Variants in PRSS23 observed in about 807,000 individuals in gnomAD.
PRSS23 encodes the protein serine protease 23.
In PRSS23, 25 loss-of-function variants were observed where a neutral mutation model predicts 34.7. That is an observed-to-expected ratio of 0.72 (90% CI 0.53 to 1.01). The LOEUF (loss-of-function observed/expected upper bound fraction) is 1.01. PRSS23 is among the 50% of genes least tolerant of loss of function. PRSS23 has a pLI of 0.00. For missense variants in PRSS23, 445 were observed against 475.6 expected, an observed-to-expected ratio of 0.94 and a Z score of 0.60; for synonymous variants, 176 against 186.6, an observed-to-expected ratio of 0.94 and a Z score of 0.46.
chr11:86,925,295 AGTGTGTGTGTGTGTGTGT>A (rs5793226), intron 2 of PRSS23, among the ~76,000 whole-genome samples: 16 of 148,992 alleles, frequency 1.1e-4, no homozygotes, highest in Non-Finnish European at 1.0e-4. Context: ...GTTTAACTGG[AGTGTGTGTGTGTGTGTGT>A]GTGTGTGTGT....
intron 2 of PRSS23, among the ~76,000 whole-genome samples, chr11:86,835,668 T>A (rs1448275849): frequency 6.6e-6 from 1 of 152,184 alleles, no homozygotes; most frequent in African/African-American, 2.4e-5. Flanking sequence ...TAGGATGAGA[T>A]TAAGCCAGTA....
intron 2 of PRSS23, among the ~76,000 whole-genome samples, chr11:86,884,265 A>G (rs187123227): frequency 3.3e-5 from 5 of 152,032 alleles, no homozygotes; most frequent in African/African-American, 9.7e-5. Flanking sequence ...CACCCCCCAC[A>G]TTGCCAACAA....
chr11:86,853,820 T>G (rs531098311), intron 2 of PRSS23, among the ~76,000 whole-genome samples: 3 of 152,204 alleles, frequency 2.0e-5, no homozygotes, highest in Non-Finnish European at 2.9e-5. Context: ...TTTTCCCTGT[T>G]CCTGCACAAT....
chr11:86,922,478 AT>A (rs1470093490), intron 2 of PRSS23, among the ~76,000 whole-genome samples: 13 of 136,058 alleles, frequency 9.6e-5, no homozygotes, highest in African/African-American at 3.1e-4. Context: ...TCTAAAAAAA[AT>A]AAACAAATAA....
At chr11:86,847,652 A>T (rs1340862100) in intron 2 of PRSS23, among the ~76,000 whole-genome samples, 1 of 152,138 alleles carries the variant, frequency 6.6e-6, no homozygotes, top group East Asian at 1.9e-4. Context: ...TATCCTGAAT[A>T]ACTGGGACAA....
intron 2 of PRSS23, among the ~76,000 whole-genome samples, chr11:86,831,319 C>G (rs980222938): frequency 5.3e-5 from 8 of 151,614 alleles, no homozygotes; most frequent in Non-Finnish European, 1.2e-4. Flanking sequence ...GGGTTTACAC[C>G]TTTTTGTATT....
At chr11:86,857,483 G>C (rs1264906752) in intron 2 of PRSS23, 2 of 407,292 alleles carry the variant, frequency 4.9e-6, no homozygotes, top group Non-Finnish European at 9.6e-6. Flanking sequence ...AAAAATTATA[G>C]ATTTCCACAT....
At chr11:86,854,230 G>A (rs1948552572) in intron 2 of PRSS23, among the ~76,000 whole-genome samples, 1 of 152,116 alleles carries the variant, frequency 6.6e-6, no homozygotes, top group Non-Finnish European at 1.5e-5. Flanking sequence ...TTGATCACCT[G>A]ACCTCGTGAT....
chr11:86,793,448 A>T (rs1348793946), intron 1 of PRSS23, among the ~76,000 whole-genome samples: 1 of 152,234 alleles, frequency 6.6e-6, no homozygotes, highest in Non-Finnish European at 1.5e-5. Context: ...GTCAAATGTC[A>T]TAAATCATGG....
chr11:86,835,580 C>T (rs1948398632), intron 2 of PRSS23, among the ~76,000 whole-genome samples: 1 of 152,150 alleles, frequency 6.6e-6, no homozygotes, highest in South Asian at 2.1e-4. Context: ...AATGGTCTGG[C>T]TATTTCGTCT....
chr11:86,854,381 T>C (rs1437754975), intron 2 of PRSS23, among the ~76,000 whole-genome samples: 1 of 152,222 alleles, frequency 6.6e-6, no homozygotes, highest in Non-Finnish European at 1.5e-5. Context: ...GTTGTTTACT[T>C]CTAGCTGTTC....
At position 86,808,411 on chromosome 11, in the gene PRSS23, CAA is replaced by C; in HGVS notation, c.769_770del (p.Lys257GlufsTer13). 1 of 1,614,206 alleles carries C rather than the reference CAA, an allele frequency of 6.2e-7. No individual in the cohort carries two copies. The highest frequency in any genetic ancestry group is 2.2e-5 in the East Asian group (1 of 44,884). On this transcript the variant is annotated frameshift_variant, in exon 2 of 2. Transcript: ENST00000280258. LOFTEE classifies it high-confidence loss of function. Reference sequence around the variant, plus strand: ...CCCTCCTGGAACTCAAAAAGCCCCACAAGAGAAAATTTATGAAGATTGGGGTG... The same window carrying C: ...CCCTCCTGGAACTCAAAAAGCCCCACGAGAAAATTTATGAAGATTGGGGTG... ...YALLELKKPHKRKFMKIGVSP... is the reference protein window; with the variant it reads ...YALLELKKPHXRKFMKIGVSP...
chr11:86,793,204 T>G (rs557284398), intron 1 of PRSS23, among the ~76,000 whole-genome samples: 1 of 152,354 alleles, frequency 6.6e-6, no homozygotes, highest in East Asian at 1.9e-4. Flanking sequence ...CTTAACTAGA[T>G]TTCTTTATGC....
intron 1 of PRSS23, chr11:86,821,012 C>T (rs758978072): frequency 2.4e-4 from 43 of 179,846 alleles, no homozygotes; most frequent in Non-Finnish European, 3.9e-4. Flanking sequence ...AAGGCAAACC[C>T]AGCATACAAA....
chr11:86,833,008 A>C, intron 2 of PRSS23: 1 of 428,388 alleles, frequency 2.3e-6, no homozygotes, highest in South Asian at 2.1e-5. Flanking sequence ...GACTGAGAAA[A>C]AAAAAAACAC....
At chr11:86,846,511 A>G (rs1565364474) in intron 2 of PRSS23, among the ~76,000 whole-genome samples, 2 of 152,170 alleles carry the variant, frequency 1.3e-5, no homozygotes, top group Non-Finnish European at 2.9e-5. Context: ...TTTGCTTTCC[A>G]TGGTGGTTCT....
chr11:86,873,203 C>CACACACATATATGTATATATATAT (rs1948697157), intron 2 of PRSS23, among the ~76,000 whole-genome samples: 1 of 134,848 alleles, frequency 7.4e-6, no homozygotes, highest in African/African-American at 2.9e-5. Context: ...TATATACACA[C>CACACACATATATGTATATATATAT]ACACACACAC....
chr11:86,889,403 T>A (rs1948826420), intron 2 of PRSS23, among the ~76,000 whole-genome samples: 1 of 152,156 alleles, frequency 6.6e-6, no homozygotes, highest in Non-Finnish European at 1.5e-5. Flanking sequence ...AGGCTGGAAG[T>A]CCAAAATCAA....
intron 2 of PRSS23, among the ~76,000 whole-genome samples, chr11:86,943,092 C>T (rs1161559697): frequency 1.3e-5 from 2 of 152,212 alleles, no homozygotes; most frequent in Non-Finnish European, 1.5e-5. Context: ...GGGTCCTGGC[C>T]GTGCACACAG....
Sources: allele counts gnomAD v4.1 joint callset (sites outside exome capture counted in the v4.1 genomes callset), GRCh38; gene constraint gnomAD v4.1.1; transcripts MANE v1.5; gene names NCBI Gene and HGNC (gene_info 2026-07-23, HGNC 2026-07-21).